The following PANK3 variants were observed in gnomAD, a reference collection of about 807,000 sequenced individuals.
PANK3 encodes the protein hPanK3.
In PANK3, 20 loss-of-function variants were observed where a neutral mutation model predicts 39.4. The observed-to-expected ratio is 0.51, with a 90% CI of 0.36 to 0.74. PANK3 has a LOEUF of 0.74. Ranked by LOEUF, PANK3 falls within the 30% of genes least tolerant of loss-of-function variation. PANK3 has a pLI of 0.00. For missense variants in PANK3, 265 were observed against 437.0 expected, an observed-to-expected ratio of 0.61 and a Z score of 3.51; for synonymous variants, 140 against 157.3, an observed-to-expected ratio of 0.89 and a Z score of 0.82.
chr5:168,561,641 A>T, intron 4 of PANK3, 125 bp from the exon 5 acceptor site: 1 of 768,470 alleles, frequency 1.3e-6, no homozygotes, highest in Non-Finnish European at 1.8e-6. Context: ...ACACATAGGG[A>T]TAAGATCAAA....
intron 4 of PANK3, among the ~76,000 whole-genome samples, chr5:168,563,331 T>C (rs1268664558): frequency 2.6e-5 from 4 of 152,180 alleles, no homozygotes; most frequent in Non-Finnish European, 5.9e-5. Flanking sequence ...AGGAGAAATG[T>C]AAATTAAAAT....
At chr5:168,572,396 G>A (rs1001130895) in intron 1 of PANK3, among the ~76,000 whole-genome samples, 21 of 152,092 alleles carry the variant, frequency 1.4e-4, no homozygotes, top group Admixed American at 4.6e-4. Context: ...GGGTGCAGGC[G>A]GGCTAAGTCC....
intron 1 of PANK3, among the ~76,000 whole-genome samples, chr5:168,575,920 T>C (rs918412288): frequency 3.3e-5 from 5 of 152,124 alleles, no homozygotes; most frequent in Admixed American, 2.0e-4. Flanking sequence ...AGAACAAAAT[T>C]ATAAAGTTAG....
intron 1 of PANK3, among the ~76,000 whole-genome samples, chr5:168,570,657 C>T (rs1034876822): frequency 1.3e-5 from 2 of 152,090 alleles, no homozygotes; most frequent in East Asian, 1.9e-4. Context: ...AAGAGGCATA[C>T]GTCAGTACGG....
rs752873962 is a variant in PANK3 at position 168,579,308 on chromosome 5, C to G, written c.-25G>C. 6.8e-7 allele frequency: 1 copy of G among 1,470,238 alleles called. No individual in the cohort carries two copies. The highest frequency in any genetic ancestry group is 9.0e-7 in the Non-Finnish European group (1 of 1,105,834). 91.1% of individuals were successfully genotyped at this position (1,470,238 alleles called of 1,614,324 possible). On this transcript the variant is annotated 5_prime_UTR_variant, in exon 1 of 7. Coordinates refer to ENST00000239231, the MANE Select transcript of PANK3 (RefSeq NM_024594.4). ...TGGCGTCGGCCCGAGGGGCGATGGACGGCCTCCGATCCGGGGCACTGAGAG... is the reference window on the plus strand; with the variant it reads ...TGGCGTCGGCCCGAGGGGCGATGGAGGGCCTCCGATCCGGGGCACTGAGAG...
rs867212100 is a variant in PANK3 at position 168,553,097 on chromosome 5, G to A, written c.*4474C>T. 2 of 423,856 alleles carry A rather than the reference G, an allele frequency of 4.7e-6. No individual in the cohort carries two copies. The highest frequency in any genetic ancestry group is 5.8e-5 in the Admixed American group (2 of 34,382). 26.3% of individuals were successfully genotyped at this position (423,856 alleles called of 1,614,324 possible). ...TTTCTGTTAATGAGCAAAAACTTAC[G>A]ACTTCCAGGGCAAAATGGAAGGGCT... On this transcript the variant is annotated 3_prime_UTR_variant, in exon 7 of 7. Coordinates refer to ENST00000239231, the MANE Select transcript of PANK3 (RefSeq NM_024594.4).
At position 168,553,599 on chromosome 5, in the gene PANK3, G is replaced by A. The variant is rs1452431385; in HGVS notation, c.*3972C>T. 3.7e-6 allele frequency: 1 copy of A among 273,402 alleles called. No individual in the cohort carries two copies. The highest frequency in any genetic ancestry group is 9.7e-5 in the East Asian group (1 of 10,296). 16.9% of individuals were successfully genotyped at this position (273,402 alleles called of 1,614,324 possible). A position where few individuals can be genotyped will look rare whatever the true frequency, so the allele number is the denominator to read the frequency against. ...TTCAAAGTGTAACTGAGAAAGTCCTGTATGACTGTCTCAGGAGCACTGATG... is the reference window on the plus strand; with the variant it reads ...TTCAAAGTGTAACTGAGAAAGTCCTATATGACTGTCTCAGGAGCACTGATG... On this transcript the variant is annotated 3_prime_UTR_variant, in exon 7 of 7. Transcript: ENST00000239231.
intron 1 of PANK3, among the ~76,000 whole-genome samples, chr5:168,571,016 C>A (rs2113126364): frequency 6.6e-6 from 1 of 152,278 alleles, no homozygotes; most frequent in East Asian, 1.9e-4. Context: ...GGACAATAAT[C>A]TTTAAGAGTG....
intron 4 of PANK3, among the ~76,000 whole-genome samples, chr5:168,562,884 T>C (rs188630397): frequency 3.3e-5 from 5 of 152,272 alleles, no homozygotes; most frequent in Admixed American, 2.0e-4. Context: ...GATTAAAACA[T>C]ACTTTTTATG....
In PANK3 at chr5:168,549,063, C is replaced by T. The variant is rs187514548; in HGVS notation, c.*8508G>A. On this transcript the variant is annotated 3_prime_UTR_variant, in exon 7 of 7. Coordinates refer to ENST00000239231, the MANE Select transcript of PANK3 (RefSeq NM_024594.4). Reference sequence around the variant, plus strand: ...GTCAATAACTGGTCATTAAGATAAACGCCATTCAATTTTAGTTAAAAAATC... The same window carrying T: ...GTCAATAACTGGTCATTAAGATAAATGCCATTCAATTTTAGTTAAAAAATC... The T allele has an allele frequency of 1.1e-4, 16 of 152,202 alleles. No homozygotes were observed. Among genetic ancestry groups the T allele is most frequent in the East Asian group, 1.9e-4 (1 of 5,182 alleles). The allele number at this position is 152,202 out of a possible 1,614,324, so 9.4% of individuals were successfully genotyped here.
rs1327661242 is a variant in PANK3, at chr5:168,549,612, GTTCTT to G, written c.*7954_*7958del. 6.6e-6 allele frequency: 1 copy of G among 151,926 alleles called. No homozygotes were observed. The highest frequency in any genetic ancestry group is 1.5e-5 in the Non-Finnish European group (1 of 67,968). The allele number at this position is 151,926 out of a possible 1,614,324, so 9.4% of individuals were successfully genotyped here. On this transcript the variant is annotated 3_prime_UTR_variant, in exon 7 of 7. Transcript: ENST00000239231. The stretch of plus-strand genomic sequence containing the variant: ...CCTTTGAAAAATACATTCCTCTTTT[GTTCTT>G]TTAAATGCAAAATTAGTGGCAGTTG...
chr5:168,578,110 T>A, intron 1 of PANK3, among the ~76,000 whole-genome samples: 1 of 152,228 alleles, frequency 6.6e-6, no homozygotes, highest in East Asian at 1.9e-4. Context: ...GAAAGAACAC[T>A]GTATTATGAG....
At chr5:168,559,733 A>G (rs1327435407) in intron 5 of PANK3, among the ~76,000 whole-genome samples, 1 of 152,164 alleles carries the variant, frequency 6.6e-6, no homozygotes, top group African/African-American at 2.4e-5. Context: ...GTACTATAAA[A>G]TGCATTTAGT....
rs1759311699 is a variant in PANK3 at position 168,553,948 on chromosome 5, C to T, written c.*3623G>A. On this transcript the variant is annotated 3_prime_UTR_variant, in exon 7 of 7. Transcript: ENST00000239231. Reference sequence around the variant, plus strand: ...TCTATTATGAACAACGGCAACAAAACCACGTTTATCCCAAATAAATGTTAC... The same window carrying T: ...TCTATTATGAACAACGGCAACAAAATCACGTTTATCCCAAATAAATGTTAC... 6.6e-6 allele frequency: 1 copy of T among 152,160 alleles called. No individual in the cohort carries two copies. Among genetic ancestry groups the T allele is most frequent in the Non-Finnish European group, 1.5e-5 (1 of 68,030 alleles). 9.4% of individuals were successfully genotyped at this position (152,160 alleles called of 1,614,324 possible). A position where few individuals can be genotyped will look rare whatever the true frequency, so the allele number is the denominator to read the frequency against.
intron 1 of PANK3, among the ~76,000 whole-genome samples, chr5:168,573,073 G>A (rs1380286389): frequency 6.6e-6 from 1 of 152,082 alleles, no homozygotes. Context: ...AAATGTGTTC[G>A]TTCCTTGAGT....
rs1447241701 is a variant in PANK3, at chr5:168,557,171, C to T, written c.*400G>A. 1 of 161,150 alleles carries T rather than the reference C, an allele frequency of 6.2e-6. No individual in the cohort carries two copies. The highest frequency in any genetic ancestry group is 1.4e-5 in the Non-Finnish European group (1 of 73,562). The allele number at this position is 161,150 out of a possible 1,614,324, so 10.0% of individuals were successfully genotyped here. On this transcript the variant is annotated 3_prime_UTR_variant, in exon 7 of 7. Transcript: ENST00000239231. Reference sequence around the variant, plus strand: ...TTTTGAATACAGGGTATGTTATTTTCTGCTCACTAGTAATCAAAACACATA... The same window carrying T: ...TTTTGAATACAGGGTATGTTATTTTTTGCTCACTAGTAATCAAAACACATA...
At chr5:168,572,119 T>G (rs1419868652) in intron 1 of PANK3, among the ~76,000 whole-genome samples, 1 of 145,310 alleles carries the variant, frequency 6.9e-6, no homozygotes, top group Non-Finnish European at 1.5e-5. Flanking sequence ...CCTTTTTTTT[T>G]TTTTTTTTTT....
In PANK3 at chr5:168,566,114, GT is replaced by G; in HGVS notation, c.533del (p.Asn178ThrfsTer10). The G allele has an allele frequency of 1.2e-6, 2 of 1,613,806 alleles. No homozygotes were observed. Among genetic ancestry groups the G allele is most frequent in the Non-Finnish European group, 1.7e-6 (2 of 1,179,956 alleles). On this transcript the variant is annotated frameshift_variant, in exon 3 of 7. Transcript: ENST00000239231. LOFTEE classifies it high-confidence loss of function. ...EPERCQKMPF[N>X]LDDPYPLLVV... The stretch of plus-strand genomic sequence containing the variant: ...CAAGCAGTGGATAGGGATCATCCAG[GT>G]TAAAAGGCATCTTTTGGCATCGCTC...
At chr5:168,572,977 T>C (rs1014883324) in intron 1 of PANK3, among the ~76,000 whole-genome samples, 1 of 152,084 alleles carries the variant, frequency 6.6e-6, no homozygotes, top group Non-Finnish European at 1.5e-5. Flanking sequence ...ATTTGTTGTA[T>C]AGAATGATTG....
Sources: gnomAD v4.1 joint callset for allele counts (sites outside exome capture counted in the v4.1 genomes callset) on GRCh38, gnomAD v4.1.1 for gene constraint, MANE v1.5 for transcripts, NCBI Gene and HGNC (gene_info 2026-07-23, HGNC 2026-07-21) for gene names.